GPM6B: variants seen among roughly 807,000 people sequenced by gnomAD.
GPM6B encodes the protein neuronal membrane glycoprotein M6-b.
In GPM6B, 4 loss-of-function variants were observed where a neutral mutation model predicts 27.2. The observed-to-expected ratio is 0.15, with a 90% CI of 0.07 to 0.34. The LOEUF is 0.34. GPM6B is among the 10% of genes least tolerant of loss of function. The pLI, the probability that GPM6B is intolerant of heterozygous loss-of-function variation, is 1.00. For synonymous variants in GPM6B, 124 were observed against 103.1 expected (o/e 1.20, Z -1.23); for missense variants, 183 against 261.9 (o/e 0.70, Z 2.08).
chrX:13,863,674 C>T (rs766358405), intron 1 of GPM6B, among the ~76,000 whole-genome samples: 3 of 111,868 alleles, frequency 2.7e-5, no homozygotes, highest in Non-Finnish European at 5.6e-5. Flanking sequence ...GTCCCAGAGC[C>T]GAGAGATTAT....
At chrX:13,909,410 G>A (rs890506221) in intron 1 of GPM6B, among the ~76,000 whole-genome samples, 3 of 110,965 alleles carry the variant, frequency 2.7e-5, no homozygotes, top group African/African-American at 9.8e-5. Flanking sequence ...TTACAGGTGT[G>A]AGCCACCGTG....
chrX:13,925,331 GCTTTA>G (rs1451328086), intron 1 of GPM6B, among the ~76,000 whole-genome samples: 1 of 111,418 alleles, frequency 9.0e-6, no homozygotes, highest in Non-Finnish European at 1.9e-5. Context: ...AACCCTAATT[GCTTTA>G]CTTTTTTATT....
chrX:13,923,847 T>C (rs780545518), intron 1 of GPM6B, among the ~76,000 whole-genome samples: 4 of 112,489 alleles, frequency 3.6e-5, no homozygotes, highest in African/African-American at 9.7e-5. Context: ...AGAAGAAATC[T>C]GCATTTTAAC....
intron 1 of GPM6B, among the ~76,000 whole-genome samples, chrX:13,837,057 C>G (rs983580331): frequency 8.9e-6 from 1 of 112,172 alleles, no homozygotes; most frequent in African/African-American, 3.2e-5. Context: ...CCATAAAAAT[C>G]AATGTTTAAT....
chrX:13,835,383 C>T (rs2049484423), intron 1 of GPM6B, among the ~76,000 whole-genome samples: 2 of 112,144 alleles, frequency 1.8e-5, no homozygotes, highest in Non-Finnish European at 3.8e-5. Flanking sequence ...GCACGGCTTC[C>T]TAGAAGAAAT....
chrX:13,862,668 T>C (rs12855867), intron 1 of GPM6B, among the ~76,000 whole-genome samples: 1 of 111,537 alleles, frequency 9.0e-6, no homozygotes, highest in African/African-American at 3.3e-5. Flanking sequence ...TCACTTCTGA[T>C]TTGTGGAAAT....
At chrX:13,810,746 A>T (rs1373018168) in intron 1 of GPM6B, among the ~76,000 whole-genome samples, 15 of 90,136 alleles carry the variant, frequency 1.7e-4, no homozygotes, top group African/African-American at 6.9e-4. Flanking sequence ...TCAGGATTTA[A>T]AAAAAAAAAA....
chrX:13,814,717 C>A lies in GPM6B; in HGVS notation c.61+2127G>T, dbSNP rs571655377. Among the ~76,000 whole-genome samples, 3 of 111,652 alleles carry A rather than the reference C, an allele frequency of 2.7e-5. No individual in the cohort carries two copies. The East Asian group carries it at 8.4e-4, about 31-fold the overall frequency. On this transcript the variant is annotated intron_variant, in intron 1 of 7. Coordinates refer to ENST00000316715, the MANE Select transcript of GPM6B (RefSeq NM_001001995.3). Reference sequence around the variant, plus strand: ...GTGGGCTTTGATTTTGTGTAGCCAGCATATGAACTTGTTCATCTAAATGCA... The same window carrying A: ...GTGGGCTTTGATTTTGTGTAGCCAGAATATGAACTTGTTCATCTAAATGCA...
chrX:13,873,352 G>A (rs1319888162), intron 1 of GPM6B, among the ~76,000 whole-genome samples: 3 of 110,400 alleles, frequency 2.7e-5, no homozygotes, highest in Admixed American at 9.7e-5. Context: ...CCCAGTGTCC[G>A]GGCTCAAACA....
At chrX:13,861,093 T>TACACATACATATAC (rs1204129861) in intron 1 of GPM6B, among the ~76,000 whole-genome samples, 1 of 106,999 alleles carries the variant, frequency 9.3e-6, no homozygotes, top group Non-Finnish European at 1.9e-5. Context: ...CACACATATA[T>TACACATACATATAC]ACACATACAT....
At chrX:13,844,030 T>C (rs2049613940) in intron 1 of GPM6B, among the ~76,000 whole-genome samples, 3 of 112,388 alleles carry the variant, frequency 2.7e-5, no homozygotes, top group Non-Finnish European at 5.6e-5. Context: ...TTTATAATTT[T>C]AGTTTTTACA....
chrX:13,844,485 C>T (rs746540556), intron 1 of GPM6B, among the ~76,000 whole-genome samples: 45 of 112,561 alleles, frequency 4.0e-4, no homozygotes, highest in Non-Finnish European at 5.6e-4. Flanking sequence ...ATCACACACA[C>T]ATCCTGTAAC....
intron 1 of GPM6B, among the ~76,000 whole-genome samples, chrX:13,850,766 C>T (rs763304498): frequency 1.8e-5 from 2 of 112,172 alleles, no homozygotes; most frequent in Non-Finnish European, 3.8e-5. Context: ...TTAGGACATG[C>T]AATGAATAAA....
intron 1 of GPM6B, among the ~76,000 whole-genome samples, chrX:13,871,611 A>C (rs190504566): frequency 8.9e-5 from 10 of 112,072 alleles, no homozygotes; most frequent in African/African-American, 3.2e-4. Context: ...AGCAGATTGC[A>C]CCTTTCAGTG....
At chrX:13,826,370 G>T (rs1022266349) in intron 1 of GPM6B, among the ~76,000 whole-genome samples, 3 of 111,184 alleles carry the variant, frequency 2.7e-5, no homozygotes, top group African/African-American at 9.8e-5. Context: ...AAGCCAAAAT[G>T]GGAAATGAGG....
rs1231808787 is a variant in GPM6B at position 13,807,541 on chromosome X, A to G, written c.181+109T>C. On this transcript the variant is annotated intron_variant, in intron 2 of 7. Coordinates refer to ENST00000316715, the MANE Select transcript of GPM6B (RefSeq NM_001001995.3). ...CCACCCATGCCCGTGTGAACAAATT[A>G]ATGCACCAAGCAAAACATAAAATAT... The G allele has an allele frequency of 1.8e-5, 11 of 622,773 alleles. No individual in the cohort carries two copies. The Admixed American group carries it at 3.4e-4, about 19-fold the overall frequency. The allele number at this position is 622,773 out of a possible 1,213,427, so 51.3% of individuals were successfully genotyped here.
chrX:13,938,555 C>G, upstream of GPM6B: 3 of 861,348 alleles, frequency 3.5e-6, no homozygotes, highest in Non-Finnish European at 2.9e-6. Flanking sequence ...GGCGTTCGGG[C>G]TCCCCGGGGA....
intron 1 of GPM6B, among the ~76,000 whole-genome samples, chrX:13,858,171 A>C (rs1387229050): frequency 8.9e-6 from 1 of 112,038 alleles, no homozygotes; most frequent in East Asian, 2.8e-4. Context: ...GTTCTCTTGG[A>C]AACAACAACA....
chrX:13,892,569 G>GT (rs1051673213), intron 1 of GPM6B, among the ~76,000 whole-genome samples: 1 of 111,529 alleles, frequency 9.0e-6, no homozygotes, highest in African/African-American at 3.3e-5. Context: ...TCTGTTTTTT[G>GT]TTTTGTTTTA....
Sources: gnomAD v4.1 joint callset for allele counts (sites outside exome capture counted in the v4.1 genomes callset) on GRCh38, gnomAD v4.1.1 for gene constraint, MANE v1.5 for transcripts, NCBI Gene and HGNC (gene_info 2026-07-23, HGNC 2026-07-21) for gene names.